The following GRB10 variants were observed in gnomAD, a reference collection of about 807,000 sequenced individuals.
GRB10 encodes growth factor receptor-bound protein 10.
In GRB10, 20 loss-of-function variants were observed where a neutral mutation model predicts 80.9. The observed-to-expected ratio is 0.25, with a 90% CI of 0.17 to 0.36. GRB10 has a LOEUF of 0.36. GRB10 is among the 10% of genes least tolerant of loss of function. GRB10 has a pLI of 1.00. For synonymous variants in GRB10, 291 were observed against 291.5 expected (o/e 1.00, Z 0.02); for missense variants, 548 against 747.7 (o/e 0.73, Z 3.12).
chr7:50,680,729 C>T (rs925195510), intron 5 of GRB10, among the ~76,000 whole-genome samples: 6 of 152,232 alleles, frequency 3.9e-5, no homozygotes, highest in Non-Finnish European at 8.8e-5. Context: ...TCCTCTCAGT[C>T]TGCTGAGGCT....
chr7:50,655,909 T>C (rs1024964829), intron 7 of GRB10, among the ~76,000 whole-genome samples: 3 of 152,148 alleles, frequency 2.0e-5, no homozygotes. Context: ...CACTGATAGC[T>C]CTCCCCACAT....
Position 50,609,248 on chromosome 7 carries a change from A to G in GRB10, c.1195-2834T>C, listed in dbSNP as rs530002075. Among the ~76,000 whole-genome samples, 7 of 152,352 alleles carry G rather than the reference A, an allele frequency of 4.6e-5. No individual in the cohort carries two copies. The South Asian group carries it at 1.0e-3, about 23-fold the overall frequency. ...AAAGTAAAATAGTTACATTGTGATT[A>G]TAAGAGATATTCCTTAAACATAAGG... is the stretch of plus-strand genomic sequence containing the variant. On this transcript the variant is annotated intron_variant, in intron 13 of 18. Transcript: ENST00000401949.
At chr7:50,639,964 A>C (rs568042842) in intron 7 of GRB10, among the ~76,000 whole-genome samples, 1 of 152,338 alleles carries the variant, frequency 6.6e-6, no homozygotes, top group Non-Finnish European at 1.5e-5. Flanking sequence ...ACTTTTAAAA[A>C]ATCTCCATTG....
At chr7:50,779,858 T>C (rs910160562) in intron 2 of GRB10, 27 of 152,306 alleles carry the variant, frequency 1.8e-4, no homozygotes, top group African/African-American at 5.3e-4. Flanking sequence ...CTCACTAATA[T>C]GAGATTTGAG....
chr7:50,688,190 T>C (rs1327360339), intron 5 of GRB10, among the ~76,000 whole-genome samples: 2 of 152,192 alleles, frequency 1.3e-5, no homozygotes, highest in Admixed American at 1.3e-4. Flanking sequence ...TGAGTAAAAC[T>C]TGATTCCTCC....
chr7:50,661,983 C>A (rs888658938), intron 7 of GRB10, among the ~76,000 whole-genome samples: 10 of 152,182 alleles, frequency 6.6e-5, no homozygotes, highest in Non-Finnish European at 1.2e-4. Context: ...AGAGACCAGA[C>A]AGATTTGGTT....
chr7:50,611,335 T>C (rs1475079757), intron 13 of GRB10, among the ~76,000 whole-genome samples: 2 of 152,256 alleles, frequency 1.3e-5, no homozygotes, highest in African/African-American at 4.8e-5. Flanking sequence ...CCATGCAGAA[T>C]ACTGCCCTCA....
At chr7:50,685,435 T>C (rs1449936352) in intron 5 of GRB10, among the ~76,000 whole-genome samples, 1 of 152,130 alleles carries the variant, frequency 6.6e-6, no homozygotes, top group Non-Finnish European at 1.5e-5. Flanking sequence ...GGGGTGGACA[T>C]ATCCCGTAGG....
intron 3 of GRB10, among the ~76,000 whole-genome samples, chr7:50,739,659 G>A (rs144305921): frequency 3.3e-5 from 5 of 152,136 alleles, no homozygotes; most frequent in South Asian, 2.1e-4. Context: ...TTCAAGACCC[G>A]GTAACAGGTT....
Position 50,756,292 on chromosome 7 carries a change from C to T in GRB10, c.-216-236G>A, listed in dbSNP as rs180936340. ...CAGAGGGAAGATGCACTGGGCTCTA[C>T]GCTCACTGCCCACACATCTCTGCGT... is the stretch of plus-strand genomic sequence containing the variant. On this transcript the variant is annotated intron_variant, in intron 2 of 18. Transcript: ENST00000401949. Among the ~76,000 whole-genome samples, 14 of 152,328 alleles carry T rather than the reference C, an allele frequency of 9.2e-5. No individual in the cohort carries two copies. The South Asian group carries it at 2.3e-3, about 25-fold the overall frequency.
At chr7:50,737,854 C>T (rs931106278) in intron 3 of GRB10, among the ~76,000 whole-genome samples, 1 of 151,718 alleles carries the variant, frequency 6.6e-6, no homozygotes, top group African/African-American at 2.4e-5. Flanking sequence ...ACCTCAAAAA[C>T]AAACAAACAA....
intron 2 of GRB10, among the ~76,000 whole-genome samples, chr7:50,760,378 T>G (rs1363748332): frequency 6.6e-6 from 1 of 152,134 alleles, no homozygotes; most frequent in African/African-American, 2.4e-5. Flanking sequence ...AAGACCTAAA[T>G]GAATGGAAAC....
intron 8 of GRB10, among the ~76,000 whole-genome samples, chr7:50,619,979 C>A (rs1488286336): frequency 6.6e-6 from 1 of 152,222 alleles, no homozygotes; most frequent in Non-Finnish European, 1.5e-5. Context: ...TCTTACATAG[C>A]AGCACTGTCC....
At chr7:50,739,046 T>C (rs1354623327) in intron 3 of GRB10, among the ~76,000 whole-genome samples, 1 of 152,186 alleles carries the variant, frequency 6.6e-6, no homozygotes, top group African/African-American at 2.4e-5. Flanking sequence ...TGGACTATAG[T>C]TCAGAAAAAT....
intron 5 of GRB10, among the ~76,000 whole-genome samples, chr7:50,690,174 T>C (rs1163851734): frequency 6.6e-6 from 1 of 152,008 alleles, no homozygotes; most frequent in Non-Finnish European, 1.5e-5. Flanking sequence ...TGCATGCTTG[T>C]AGTCCCAGCT....
intron 7 of GRB10, among the ~76,000 whole-genome samples, chr7:50,659,487 C>T (rs563837318): frequency 7.5e-4 from 114 of 152,340 alleles, no homozygotes; most frequent in African/African-American, 2.6e-3. Context: ...AAATGCAATG[C>T]TCACAGTCAC....
At chr7:50,779,224 G>A (rs916285977) in intron 2 of GRB10, 2 of 152,190 alleles carry the variant, frequency 1.3e-5, no homozygotes, top group Non-Finnish European at 2.9e-5. Context: ...ACTGCACAAA[G>A]TGTGGGCCAC....
chr7:50,714,617 T>A (rs2066528705), intron 4 of GRB10, among the ~76,000 whole-genome samples: 1 of 151,694 alleles, frequency 6.6e-6, no homozygotes, highest in Non-Finnish European at 1.5e-5. Context: ...GAGCCGAGAT[T>A]GCACCACTGC....
At chr7:50,598,974 T>TG (rs1444708943) in intron 17 of GRB10, among the ~76,000 whole-genome samples, 1 of 98,096 alleles carries the variant, frequency 1.0e-5, no homozygotes, top group African/African-American at 3.9e-5. Context: ...CCACATGCCC[T>TG]GGGGGGATAA....
Sources: allele counts gnomAD v4.1 joint callset (sites outside exome capture counted in the v4.1 genomes callset), GRCh38; gene constraint gnomAD v4.1.1; transcripts MANE v1.5; gene names NCBI Gene and HGNC (gene_info 2026-07-23, HGNC 2026-07-21).